The following SLC25A21 variants were observed in gnomAD, a reference collection of about 807,000 sequenced individuals.
SLC25A21 encodes the protein mitochondrial 2-oxodicarboxylate carrier.
SLC25A21 carries 47 observed loss-of-function variants against 43.8 expected under a neutral mutation model. That is an observed-to-expected ratio of 1.07 (90% CI 0.85 to 1.37). The LOEUF (loss-of-function observed/expected upper bound fraction) is 1.37. SLC25A21 is among the 40% of genes most tolerant of loss of function. The probability of loss-of-function intolerance (pLI) is 0.00; values close to 1 mark genes in which losing one functional copy is unlikely to be tolerated. For missense variants in SLC25A21, 352 were observed against 350.2 expected (o/e 1.00, Z -0.04); for synonymous variants, 131 against 121.3 (o/e 1.08, Z -0.52).
rs563773528 is a variant in SLC25A21, at chr14:36,820,473, C to A, written c.120-6472G>T. 6.6e-5 allele frequency among the ~76,000 whole-genome samples: 10 copies of A among 152,258 alleles called. 1 individual carries two copies. The South Asian group carries it at 2.1e-3, about 32-fold the overall frequency. On this transcript the variant is annotated intron_variant, in intron 2 of 9. Transcript: ENST00000331299. The stretch of plus-strand genomic sequence containing the variant: ...CAATGCACTAGGCTGTATAATAATT[C>A]CACCTTTGTGTCAAAGGAGGTGAAG...
chr14:36,887,087 A>G (rs1201520660), intron 1 of SLC25A21, among the ~76,000 whole-genome samples: 5 of 152,096 alleles, frequency 3.3e-5, no homozygotes, highest in Non-Finnish European at 7.3e-5. Flanking sequence ...ATAGAGAGAA[A>G]TAGAGGGCCA....
intron 3 of SLC25A21, among the ~76,000 whole-genome samples, chr14:36,758,367 T>C (rs1886011766): frequency 6.6e-6 from 1 of 152,152 alleles, no homozygotes; most frequent in African/African-American, 2.4e-5. Flanking sequence ...CTAGTCAAGA[T>C]GAACCTGAGT....
intron 1 of SLC25A21, among the ~76,000 whole-genome samples, chr14:37,114,817 G>A (rs1963079202): frequency 6.6e-6 from 1 of 151,728 alleles, no homozygotes; most frequent in Non-Finnish European, 1.5e-5. Flanking sequence ...TTTCATTGGT[G>A]GTTTTCATTC....
At chr14:36,783,769 T>C (rs907556210) in intron 3 of SLC25A21, among the ~76,000 whole-genome samples, 11 of 152,312 alleles carry the variant, frequency 7.2e-5, no homozygotes, top group African/African-American at 2.6e-4. Context: ...AGTATACTTG[T>C]CTGTAAGTGG....
At chr14:36,932,002 G>T (rs943185789) in intron 1 of SLC25A21, among the ~76,000 whole-genome samples, 4 of 152,138 alleles carry the variant, frequency 2.6e-5, no homozygotes, top group Non-Finnish European at 4.4e-5. Context: ...AAATAGTCAT[G>T]AAATATGATC....
At chr14:37,041,880 T>C (rs556083579) in intron 1 of SLC25A21, among the ~76,000 whole-genome samples, 3 of 152,198 alleles carry the variant, frequency 2.0e-5, no homozygotes, top group Non-Finnish European at 4.4e-5. Context: ...CTAATCCAAA[T>C]TAAATCTAAA....
At chr14:36,983,871 A>G (rs1960086321) in intron 1 of SLC25A21, among the ~76,000 whole-genome samples, 1 of 152,132 alleles carries the variant, frequency 6.6e-6, no homozygotes, top group Non-Finnish European at 1.5e-5. Flanking sequence ...GCATTATCCT[A>G]TGTGAAATAA....
At chr14:36,843,178 G>A (rs1889438727) in intron 2 of SLC25A21, among the ~76,000 whole-genome samples, 1 of 152,176 alleles carries the variant, frequency 6.6e-6, no homozygotes, top group Admixed American at 6.5e-5. Flanking sequence ...ACTGCTCCCT[G>A]GCCCAGGGTT....
chr14:36,988,192 C>G (rs749150841), intron 1 of SLC25A21, among the ~76,000 whole-genome samples: 1 of 152,116 alleles, frequency 6.6e-6, no homozygotes, highest in African/African-American at 2.4e-5. Context: ...GTAAGCCTCA[C>G]GAGACTTATT....
At chr14:37,107,256 C>T (rs900289850) in intron 1 of SLC25A21, among the ~76,000 whole-genome samples, 13 of 152,042 alleles carry the variant, frequency 8.6e-5, no homozygotes, top group African/African-American at 2.7e-4. Context: ...TGGCTCACTG[C>T]AGCCTCAACT....
At chr14:37,108,295 T>C (rs948245984) in intron 1 of SLC25A21, among the ~76,000 whole-genome samples, 3 of 152,166 alleles carry the variant, frequency 2.0e-5, no homozygotes, top group Non-Finnish European at 4.4e-5. Flanking sequence ...TCATTGCCCA[T>C]GAGTACACAA....
At chr14:37,005,996 T>C (rs548765885) in intron 1 of SLC25A21, among the ~76,000 whole-genome samples, 1 of 152,174 alleles carries the variant, frequency 6.6e-6, no homozygotes, top group African/African-American at 2.4e-5. Flanking sequence ...GACTTCAGAA[T>C]CATGCATACT....
At chr14:36,764,601 G>GCA (rs1166999996) in intron 3 of SLC25A21, among the ~76,000 whole-genome samples, 25 of 133,992 alleles carry the variant, frequency 1.9e-4, no homozygotes, top group African/African-American at 5.9e-4. Flanking sequence ...AACCATGCAT[G>GCA]CACACACACA....
intron 1 of SLC25A21, among the ~76,000 whole-genome samples, chr14:36,967,038 T>C (rs939144569): frequency 6.6e-6 from 1 of 152,176 alleles, no homozygotes; most frequent in Non-Finnish European, 1.5e-5. Flanking sequence ...GTCAACAAAA[T>C]GTACCTGCCG....
intron 1 of SLC25A21, among the ~76,000 whole-genome samples, chr14:37,059,415 T>C (rs1961897153): frequency 6.6e-6 from 1 of 152,202 alleles, no homozygotes; most frequent in African/African-American, 2.4e-5. Flanking sequence ...TAGTTAATTA[T>C]TGCATGATAC....
intron 1 of SLC25A21, among the ~76,000 whole-genome samples, chr14:37,023,138 T>C (rs573492313): frequency 1.3e-5 from 2 of 152,118 alleles, no homozygotes; most frequent in East Asian, 3.9e-4. Context: ...GTTTGGCTCC[T>C]CTGGTCATAA....
At chr14:36,823,785 C>T (rs192971075) in intron 2 of SLC25A21, among the ~76,000 whole-genome samples, 66 of 152,318 alleles carry the variant, frequency 4.3e-4, no homozygotes, top group South Asian at 8.3e-4. Context: ...CTTCTCTCTC[C>T]GATCCTCCCA....
chr14:36,958,254 A>G (rs1418374490), intron 1 of SLC25A21, among the ~76,000 whole-genome samples: 1 of 152,088 alleles, frequency 6.6e-6, no homozygotes, highest in Non-Finnish European at 1.5e-5. Context: ...CATACTCAAC[A>G]CCCTGGGCCC....
chr14:37,115,733 T>C (rs1044504483), intron 1 of SLC25A21, among the ~76,000 whole-genome samples: 2 of 152,190 alleles, frequency 1.3e-5, no homozygotes, highest in Non-Finnish European at 2.9e-5. Context: ...AAGGCTAAAA[T>C]ACTGGTGAGA....
Sources: allele counts gnomAD v4.1 joint callset (sites outside exome capture counted in the v4.1 genomes callset), GRCh38; gene constraint gnomAD v4.1.1; transcripts MANE v1.5; gene names NCBI Gene and HGNC (gene_info 2026-07-23, HGNC 2026-07-21).